LRP1B: variants seen among roughly 807,000 people sequenced by gnomAD.
The protein encoded by LRP1B is low-density lipoprotein receptor-related protein 1B.
Under a neutral mutation model 556.6 loss-of-function variants are expected in LRP1B, and 217 were observed. That is an observed-to-expected ratio of 0.39 (90% CI 0.35 to 0.44). The LOEUF (loss-of-function observed/expected upper bound fraction) is 0.44. LRP1B is among the 20% of genes least tolerant of loss of function. The probability of loss-of-function intolerance (pLI) is 1.00; values close to 1 mark genes in which losing one functional copy is unlikely to be tolerated. For synonymous variants in LRP1B, 2,047 were observed against 1,865.8 expected (o/e 1.10, Z -2.50); for missense variants, 5,053 against 5,620.8 (o/e 0.90, Z 3.23).
chr2:140,965,654 C>T (rs1696187282), intron 18 of LRP1B, among the ~76,000 whole-genome samples: 2 of 152,064 alleles, frequency 1.3e-5, no homozygotes, highest in South Asian at 4.1e-4. Context: ...GTGCTGCACC[C>T]ATTAACTCGT....
In LRP1B at chr2:140,378,381, A is replaced by C. The variant is rs931724257; in HGVS notation, c.10532-95T>G. The C allele has an allele frequency of 4.8e-5, 31 of 650,990 alleles. No homozygotes were observed. In the African/African-American group the frequency reaches 5.1e-4, roughly 11 times the overall value. The allele number at this position is 650,990 out of a possible 1,614,324, so 40.3% of individuals were successfully genotyped here. A position where few individuals can be genotyped will look rare whatever the true frequency, so the allele number is the denominator to read the frequency against. ...TGACATGAGGTAGCATTAAAGAAAA[A>C]AAAAGAGGTTAGTCAGACAGAACCA... On this transcript the variant is annotated intron_variant, in intron 67 of 90. Transcript: ENST00000389484.
chr2:141,347,707 T>A (rs1288751996), intron 3 of LRP1B, among the ~76,000 whole-genome samples: 1 of 151,972 alleles, frequency 6.6e-6, no homozygotes, highest in Non-Finnish European at 1.5e-5. Flanking sequence ...CCCTAGAATA[T>A]CATAACTACA....
intron 35 of LRP1B, among the ~76,000 whole-genome samples, chr2:140,728,381 G>A (rs899403365): frequency 6.6e-6 from 1 of 152,132 alleles, no homozygotes; most frequent in African/African-American, 2.4e-5. Context: ...GTCTTCTTCA[G>A]ATTAGAAAAG....
At chr2:140,650,979 T>A (rs1203065507) in intron 41 of LRP1B, among the ~76,000 whole-genome samples, 1 of 152,106 alleles carries the variant, frequency 6.6e-6, no homozygotes, top group African/African-American at 2.4e-5. Context: ...ACCCCATGTC[T>A]CTTAGCTAGT....
At chr2:141,270,910 A>G (rs1472070320) in intron 3 of LRP1B, among the ~76,000 whole-genome samples, 3 of 152,060 alleles carry the variant, frequency 2.0e-5, no homozygotes, top group Non-Finnish European at 4.4e-5. Context: ...ACTGAACTAT[A>G]TAATTTAAAT....
chr2:141,896,626 G>A (rs952725757), intron 1 of LRP1B, among the ~76,000 whole-genome samples: 14 of 152,064 alleles, frequency 9.2e-5, no homozygotes, highest in Non-Finnish European at 2.9e-5. Context: ...TATGGTACCA[G>A]AACAATCACA....
intron 3 of LRP1B, among the ~76,000 whole-genome samples, chr2:141,407,753 A>G (rs2104936999): frequency 6.6e-6 from 1 of 152,310 alleles, no homozygotes; most frequent in East Asian, 1.9e-4. Context: ...AGGCTTGAAG[A>G]ACTTTGAACC....
chr2:141,515,033 T>G (rs1444692893), intron 2 of LRP1B, among the ~76,000 whole-genome samples: 1 of 152,180 alleles, frequency 6.6e-6, no homozygotes, highest in Non-Finnish European at 1.5e-5. Context: ...CTGGGCATGG[T>G]GGCTCACGCC....
intron 87 of LRP1B, among the ~76,000 whole-genome samples, chr2:140,242,220 TA>T: frequency 6.6e-6 from 1 of 151,254 alleles, no homozygotes; most frequent in East Asian, 2.0e-4. Flanking sequence ...GTATCATCAT[TA>T]ATAGTTATCA....
At chr2:140,603,185 C>A (rs1682739981) in intron 41 of LRP1B, among the ~76,000 whole-genome samples, 1 of 151,880 alleles carries the variant, frequency 6.6e-6, no homozygotes, top group Non-Finnish European at 1.5e-5. Flanking sequence ...ACAAAGCAGT[C>A]TACAAGGTAT....
At chr2:140,882,078 TTTTTCTTCTC>T (rs1559172924) in intron 25 of LRP1B, among the ~76,000 whole-genome samples, 2 of 152,170 alleles carry the variant, frequency 1.3e-5, no homozygotes, top group African/African-American at 4.8e-5. Flanking sequence ...ATTATTCATG[TTTTTCTTCTC>T]ATGTTGGTAT....
intron 1 of LRP1B, among the ~76,000 whole-genome samples, chr2:141,933,085 A>T (rs1374001319): frequency 1.3e-5 from 2 of 152,040 alleles, no homozygotes; most frequent in Non-Finnish European, 2.9e-5. Flanking sequence ...ATTTAATAGG[A>T]ATATATTTAA....
intron 3 of LRP1B, among the ~76,000 whole-genome samples, chr2:141,332,617 A>G (rs1040794097): frequency 6.6e-6 from 1 of 151,764 alleles, no homozygotes; most frequent in African/African-American, 2.4e-5. Flanking sequence ...TGTTCACAGC[A>G]TTCTTTTTTT....
intron 66 of LRP1B, among the ~76,000 whole-genome samples, chr2:140,390,854 G>A (rs902487498): frequency 1.3e-5 from 2 of 150,754 alleles, no homozygotes; most frequent in African/African-American, 4.9e-5. Flanking sequence ...TAGTCATCAA[G>A]CTAATGCAAA....
intron 1 of LRP1B, among the ~76,000 whole-genome samples, chr2:141,818,760 T>G (rs1430445340): frequency 6.6e-6 from 1 of 150,904 alleles, no homozygotes; most frequent in East Asian, 2.0e-4. Flanking sequence ...ATGGTCTCGA[T>G]CTCCTGACCT....
At chr2:141,745,162 T>TCA (rs1574312462) in intron 2 of LRP1B, among the ~76,000 whole-genome samples, 1 of 152,114 alleles carries the variant, frequency 6.6e-6, no homozygotes, top group East Asian at 1.9e-4. Flanking sequence ...GCACTGGGTC[T>TCA]CACCCAAGGC....
chr2:141,130,070 G>A (rs148620540), intron 7 of LRP1B, among the ~76,000 whole-genome samples: 218 of 152,072 alleles, frequency 1.4e-3, no homozygotes, highest in African/African-American at 4.9e-3. Context: ...AAAAAATAAT[G>A]TTGGCATGGG....
intron 1 of LRP1B, among the ~76,000 whole-genome samples, chr2:142,074,145 C>T (rs1705418609): frequency 6.6e-6 from 1 of 152,046 alleles, no homozygotes; most frequent in South Asian, 2.1e-4. Flanking sequence ...AATTTATCAC[C>T]CCTCACTCAT....
chr2:140,503,281 G>A (rs1689275057), intron 53 of LRP1B, among the ~76,000 whole-genome samples, 178 bp from the exon 54 acceptor site: 1 of 152,064 alleles, frequency 6.6e-6, no homozygotes, highest in African/African-American at 2.4e-5. Flanking sequence ...TGGTTTGGAA[G>A]TAGGAATATG....
Sources: gnomAD v4.1 joint callset for allele counts (sites outside exome capture counted in the v4.1 genomes callset) on GRCh38, gnomAD v4.1.1 for gene constraint, MANE v1.5 for transcripts, NCBI Gene and HGNC (gene_info 2026-07-23, HGNC 2026-07-21) for gene names.